Variants in UBE3C observed in about 807,000 individuals in gnomAD.
UBE3C encodes ubiquitin-protein ligase E3C.
UBE3C carries 42 observed loss-of-function variants against 129.4 expected under a neutral mutation model. That is an observed-to-expected ratio of 0.32 (90% CI 0.25 to 0.42). The LOEUF (loss-of-function observed/expected upper bound fraction) is 0.42. UBE3C is among the 10% of genes least tolerant of loss of function. The probability of loss-of-function intolerance (pLI) is 1.00; values close to 1 mark genes in which losing one functional copy is unlikely to be tolerated. For missense variants in UBE3C, 1,049 were observed against 1,319.1 expected, an observed-to-expected ratio of 0.80 and a Z score of 3.17; for synonymous variants, 510 against 492.4, an observed-to-expected ratio of 1.04 and a Z score of -0.47.
At chr7:157,139,612 C>T (rs1807372984) in intron 1 of UBE3C, among the ~76,000 whole-genome samples, 1 of 152,222 alleles carries the variant, frequency 6.6e-6, no homozygotes, top group Admixed American at 6.5e-5. Context: ...CTCGAGGCCG[C>T]GCCCGTGGGG....
intron 3 of UBE3C, 100 bp downstream of exon 3, chr7:157,169,222 G>C (rs1036774611): frequency 2.5e-6 from 2 of 792,898 alleles, no homozygotes; most frequent in African/African-American, 3.5e-5. Flanking sequence ...AATGCTGACA[G>C]TAGTATTCTT....
chr7:157,171,203 G>A (rs1172483827), intron 4 of UBE3C, among the ~76,000 whole-genome samples: 1 of 152,126 alleles, frequency 6.6e-6, no homozygotes, highest in Non-Finnish European at 1.5e-5. Context: ...TTGGCTCACT[G>A]CAACCTTCCC....
Position 157,268,724 on chromosome 7 carries a change from G to A in UBE3C, c.*969G>A, listed in dbSNP as rs940991254. 2.6e-5 allele frequency: 4 copies of A among 152,724 alleles called. No individual in the cohort carries two copies. The highest frequency in any genetic ancestry group is 7.2e-5 in the African/African-American group (3 of 41,468). The allele number at this position is 152,724 out of a possible 1,614,324, so 9.5% of individuals were successfully genotyped here. On this transcript the variant is annotated 3_prime_UTR_variant, in exon 23 of 23. Transcript: ENST00000348165. The stretch of plus-strand genomic sequence containing the variant: ...CATGCTTGGCACCCTCTGCTTCCTG[G>A]TGCTGCTCTGACTCGAAGACGGGAC...
chr7:157,263,613 G>A (rs1319529923), intron 22 of UBE3C, among the ~76,000 whole-genome samples: 2 of 150,808 alleles, frequency 1.3e-5, no homozygotes, highest in African/African-American at 4.9e-5. Context: ...GCAGTGAGCC[G>A]AGATTGTGCC....
At chr7:157,155,801 G>T (rs1350554405) in intron 1 of UBE3C, among the ~76,000 whole-genome samples, 3 of 152,178 alleles carry the variant, frequency 2.0e-5, no homozygotes, top group Admixed American at 6.5e-5. Flanking sequence ...AGCTCCACAG[G>T]CACCCAGAGC....
intron 10 of UBE3C, chr7:157,198,231 A>G (rs762954834): frequency 6.8e-5 from 94 of 1,392,372 alleles, no homozygotes; most frequent in Non-Finnish European, 9.3e-5. Context: ...GGAATTACCC[A>G]ATCTGTATCC....
At chr7:157,183,454 G>A (rs577413112) in intron 8 of UBE3C, among the ~76,000 whole-genome samples, 1 of 152,304 alleles carries the variant, frequency 6.6e-6, no homozygotes, top group East Asian at 1.9e-4. Context: ...TGAGCTCATT[G>A]TGTCTTCCTG....
At chr7:157,158,485 G>C (rs17645539) in intron 1 of UBE3C, among the ~76,000 whole-genome samples, 6,989 of 152,272 alleles carry the variant, frequency 0.046, 215 homozygotes, top group Non-Finnish European at 0.071. Flanking sequence ...ACAAAGGCTA[G>C]AGCTGCTAAT....
At chr7:157,186,376 G>A (rs1311472060) in intron 9 of UBE3C, among the ~76,000 whole-genome samples, 2 of 151,170 alleles carry the variant, frequency 1.3e-5, no homozygotes, top group African/African-American at 4.9e-5. Context: ...CCGAGATTGT[G>A]CCACTCAGTC....
chr7:157,149,116 G>A (rs186087888), intron 1 of UBE3C, among the ~76,000 whole-genome samples: 17 of 152,208 alleles, frequency 1.1e-4, no homozygotes, highest in Middle Eastern at 6.8e-3. Context: ...GAGTGCAATG[G>A]CTCAATCTCG....
chr7:157,220,520 G>A (rs954381134), intron 14 of UBE3C, 169 bp from the exon 15 acceptor site: 6 of 559,356 alleles, frequency 1.1e-5, no homozygotes, highest in African/African-American at 7.4e-5. Flanking sequence ...CAGCTAGCAT[G>A]AGAGAGGACC....
At chr7:157,150,391 G>C (rs992091795) in intron 1 of UBE3C, among the ~76,000 whole-genome samples, 9 of 149,472 alleles carry the variant, frequency 6.0e-5, no homozygotes, top group African/African-American at 2.2e-4. Context: ...AAAAAAAAAA[G>C]AGTCTAACAA....
chr7:157,178,639 G>A, intron 5 of UBE3C, 51 bp from the exon 6 acceptor site: 1 of 1,570,928 alleles, frequency 6.4e-7, no homozygotes, highest in Non-Finnish European at 8.7e-7. Context: ...GGGGAAACTG[G>A]TGACATTTTG....
chr7:157,245,987 C>T (rs1462106954), intron 18 of UBE3C, among the ~76,000 whole-genome samples: 5 of 97,728 alleles, frequency 5.1e-5, no homozygotes, highest in Middle Eastern at 8.9e-3. Flanking sequence ...AGGGAGACTC[C>T]GTCTCAAAAA....
rs1198208113 is a variant in UBE3C, at chr7:157,224,189, A to T, written c.2100+838A>T. ...ACACCTGGCCTGGAAACACTACTTTATTTTTTTTGTTTTTTATTTTTTTTG... is the reference window on the plus strand; with the variant it reads ...ACACCTGGCCTGGAAACACTACTTTTTTTTTTTTGTTTTTTATTTTTTTTG... On this transcript the variant is annotated intron_variant, in intron 16 of 22. Coordinates refer to ENST00000348165, the MANE Select transcript of UBE3C (RefSeq NM_014671.3). 2.0e-5 allele frequency among the ~76,000 whole-genome samples: 3 copies of T among 151,324 alleles called. No individual in the cohort carries two copies. In the East Asian group the frequency reaches 5.8e-4, roughly 29 times the overall value.
intron 18 of UBE3C, among the ~76,000 whole-genome samples, chr7:157,233,358 A>G (rs1182443): frequency 0.7 from 106,499 of 152,046 alleles, 40,824 homozygotes; most frequent in East Asian, 0.93. Flanking sequence ...TGCTACAAAC[A>G]CGGCTCAGTC....
chr7:157,151,366 T>C (rs936837880), intron 1 of UBE3C, among the ~76,000 whole-genome samples: 1 of 152,224 alleles, frequency 6.6e-6, no homozygotes, highest in African/African-American at 2.4e-5. Flanking sequence ...AAGCAAGCAT[T>C]GTCAACATAC....
At chr7:157,163,073 T>G in intron 1 of UBE3C, among the ~76,000 whole-genome samples, 1 of 152,108 alleles carries the variant, frequency 6.6e-6, no homozygotes, top group East Asian at 1.9e-4. Context: ...TGTAGATTCA[T>G]ATGCAGCTGT....
intron 13 of UBE3C, among the ~76,000 whole-genome samples, chr7:157,215,472 T>G (rs1795531993): frequency 6.7e-6 from 1 of 148,222 alleles, no homozygotes; most frequent in Non-Finnish European, 1.5e-5. Flanking sequence ...ATTATAAATT[T>G]ATATATTATA....
Sources: gnomAD v4.1 joint callset for allele counts (sites outside exome capture counted in the v4.1 genomes callset) on GRCh38, gnomAD v4.1.1 for gene constraint, MANE v1.5 for transcripts, NCBI Gene and HGNC (gene_info 2026-07-23, HGNC 2026-07-21) for gene names.